The following SMOX variants were observed in gnomAD, a reference collection of about 807,000 sequenced individuals.
The protein encoded by SMOX is flavin containing amine oxidase.
SMOX carries 22 observed loss-of-function variants against 51.0 expected under a neutral mutation model. That is an observed-to-expected ratio of 0.43 (90% CI 0.31 to 0.62). The LOEUF is 0.62. SMOX is among the 20% of genes least tolerant of loss of function. The pLI, the probability that SMOX is intolerant of heterozygous loss-of-function variation, is 0.10. For synonymous variants in SMOX, 282 were observed against 307.8 expected (o/e 0.92, Z 0.88); for missense variants, 566 against 777.7 (o/e 0.73, Z 3.24).
intron 1 of SMOX, among the ~76,000 whole-genome samples, chr20:4,158,355 T>G (rs1986138860): frequency 6.6e-6 from 1 of 152,102 alleles, no homozygotes; most frequent in Non-Finnish European, 1.5e-5. Context: ...CCCTTTGTCT[T>G]TCTTCCTCAA....
At chr20:4,179,213 A>C (rs942888054) in intron 3 of SMOX, among the ~76,000 whole-genome samples, 19 of 152,218 alleles carry the variant, frequency 1.2e-4, no homozygotes, top group Admixed American at 3.9e-4. Context: ...AATCAGCCCC[A>C]GCCTGATTCC....
intron 1 of SMOX, among the ~76,000 whole-genome samples, chr20:4,155,349 A>G (rs1198063961): frequency 6.6e-6 from 1 of 151,728 alleles, no homozygotes; most frequent in African/African-American, 2.4e-5. Flanking sequence ...GCTGTCACTG[A>G]TGGTTACATG....
At chr20:4,168,473 A>C (rs1986668977) in intron 1 of SMOX, among the ~76,000 whole-genome samples, 1 of 151,992 alleles carries the variant, frequency 6.6e-6, no homozygotes, top group Non-Finnish European at 1.5e-5. Context: ...GGTGACCTTG[A>C]GAAAAAGGCA....
chr20:4,158,962 T>A (rs1986171244), intron 1 of SMOX, among the ~76,000 whole-genome samples: 1 of 151,986 alleles, frequency 6.6e-6, no homozygotes, highest in African/African-American at 2.4e-5. Context: ...TTTTAAATGA[T>A]GCCTTTAAAT....
rs188258277 is a variant in SMOX at position 4,178,925 on chromosome 20, C to T, written c.435+1348C>T. Among the ~76,000 whole-genome samples, 21 of 152,128 alleles carry T rather than the reference C, an allele frequency of 1.4e-4. No homozygotes were observed. The East Asian group carries it at 3.7e-3, about 27-fold the overall frequency. ...CTCGAACTCCTGACCTCAGGTGATC[C>T]GCCCACCTTGGTCTCCCAAAGTGCT... is the stretch of plus-strand genomic sequence containing the variant. On this transcript the variant is annotated intron_variant, in intron 3 of 6. Coordinates refer to ENST00000305958, the MANE Select transcript of SMOX (RefSeq NM_175839.3).
At chr20:4,184,134 C>T (rs534730840) in intron 6 of SMOX, among the ~76,000 whole-genome samples, 2 of 151,462 alleles carry the variant, frequency 1.3e-5, no homozygotes, top group African/African-American at 2.4e-5. Context: ...CATGCCGGCA[C>T]GCCACCATGT....
rs1986618353 is a variant in SMOX at position 4,167,520 on chromosome 20, A to G, written c.-26-7510A>G. Among the ~76,000 whole-genome samples the G allele has an allele frequency of 6.6e-6, 1 of 152,174 alleles. No homozygotes were observed. Among genetic ancestry groups the G allele is most frequent in the Admixed American group, 6.5e-5 (1 of 15,282 alleles). On this transcript the variant is annotated intron_variant, in intron 1 of 6. Coordinates refer to ENST00000305958, the MANE Select transcript of SMOX (RefSeq NM_175839.3). The surrounding 1 kb of genome is among the most constrained non-coding windows in gnomAD (Gnocchi z 4.8). ...CAAAGTGAGCCTTTAAATATCAGAT[A>G]GGGCTTGGACAAGTGTGCCCAGGTA...
Position 4,182,220 on chromosome 20 carries a change from G to A in SMOX, c.741G>A (p.Ala247=), listed in dbSNP as rs750474773. 18 of 1,613,494 alleles carry A rather than the reference G, an allele frequency of 1.1e-5. No homozygotes were observed. Among genetic ancestry groups the A allele is most frequent in the Admixed American group, 5.0e-5 (3 of 60,000 alleles). Residue 247 remains alanine (A), a synonymous_variant, in exon 5 of 7, where the codon GCG becomes GCA. Transcript: ENST00000305958. The surrounding 1 kb of genome is among the most constrained non-coding windows in gnomAD (Gnocchi z 8.4). ...SGFMRVVELL[A]EGIPAHVIQL... ...TCATGCGGGTTGTGGAGCTGCTGGCGGAGGGCATCCCTGCCCACGTCATCC... is the reference window on the plus strand; with the variant it reads ...TCATGCGGGTTGTGGAGCTGCTGGCAGAGGGCATCCCTGCCCACGTCATCC...
At chr20:4,161,659 T>C (rs1458760246) in intron 1 of SMOX, among the ~76,000 whole-genome samples, 3 of 152,132 alleles carry the variant, frequency 2.0e-5, no homozygotes, top group Non-Finnish European at 4.4e-5. Flanking sequence ...AGAGTTGCCT[T>C]GGCAGGAGGC....
chr20:4,160,381 G>A (rs1468881250), intron 1 of SMOX, among the ~76,000 whole-genome samples: 1 of 152,152 alleles, frequency 6.6e-6, no homozygotes, highest in South Asian at 2.1e-4. Flanking sequence ...CGGGCCTGCC[G>A]CACCCCTGGG....
chr20:4,181,705 A>T lies in SMOX; in HGVS notation c.436-98A>T, dbSNP rs1979334286. 2.1e-6 allele frequency: 3 copies of T among 1,410,662 alleles called. No homozygotes were observed. The highest frequency in any genetic ancestry group is 2.9e-6 in the Non-Finnish European group (3 of 1,025,594). 87.4% of individuals were successfully genotyped at this position (1,410,662 alleles called of 1,614,324 possible). On this transcript the variant is annotated intron_variant, in intron 3 of 6. Coordinates refer to ENST00000305958, the MANE Select transcript of SMOX (RefSeq NM_175839.3). The surrounding 1 kb of genome is among the most constrained non-coding windows in gnomAD (Gnocchi z 5.6). The stretch of plus-strand genomic sequence containing the variant: ...CAGAGACCAGGGGCTCAGTGCATCC[A>T]GGGGACACCTGGGAACTGGTGGGTT...
intron 3 of SMOX, among the ~76,000 whole-genome samples, chr20:4,179,124 C>T (rs1979127471): frequency 6.6e-6 from 1 of 152,162 alleles, no homozygotes; most frequent in Non-Finnish European, 1.5e-5. Flanking sequence ...CATTCTCACT[C>T]ATGTGCAAAG....
At chr20:4,154,779 T>C (rs1245824835) in intron 1 of SMOX, among the ~76,000 whole-genome samples, 3 of 143,180 alleles carry the variant, frequency 2.1e-5, no homozygotes. Context: ...TTCAGGTGGG[T>C]GGAACAGGGA....
rs781522050 is a variant in SMOX at position 4,165,049 on chromosome 20, G to GTTTTTTTTTTTT, written c.-26-9969_-26-9958dup. 1.6e-4 allele frequency among the ~76,000 whole-genome samples: 14 copies of GTTTTTTTTTTTT among 87,338 alleles called. 1 individual carries two copies. The highest frequency in any genetic ancestry group is 2.5e-4 in the African/African-American group (6 of 24,366). The allele number at this position is 87,338 out of a possible 152,430, so 57.3% of individuals were successfully genotyped here. On this transcript the variant is annotated intron_variant, in intron 1 of 6. Transcript: ENST00000305958. ...TGCATCACCATGCCTTAGCTAAGTT[G>GTTTTTTTTTTTT]TTTTTTTTTTTTTTTTTTTTTTTGA... is the stretch of plus-strand genomic sequence containing the variant.
In SMOX at chr20:4,182,084, C is replaced by T. The variant is rs377345386; in HGVS notation, c.610-5C>T. The T allele has an allele frequency of 1.6e-5, 26 of 1,586,058 alleles. No individual in the cohort carries two copies. The highest frequency in any genetic ancestry group is 2.3e-5 in the South Asian group (2 of 86,810). ...CACCTGGCTTCTCCTTGGGTCTTCC[C>T]GCAGGTGGAGAGCTGTGAGAGCAGC... On this transcript the variant is annotated splice_polypyrimidine_tract_variant and splice_region_variant and intron_variant, in intron 4 of 6. Transcript: ENST00000305958. This position sits in a 1 kb window ranked among gnomAD's most constrained non-coding sequence, Gnocchi z 8.4.
At chr20:4,157,715 G>A (rs1024523639) in intron 1 of SMOX, among the ~76,000 whole-genome samples, 2 of 151,914 alleles carry the variant, frequency 1.3e-5, no homozygotes, top group Non-Finnish European at 2.9e-5. Context: ...GGGAGGGGGC[G>A]GTGCTGTGCC....
rs1229725735 is a variant in SMOX, at chr20:4,170,459, G to A, written c.-26-4571G>A. On this transcript the variant is annotated intron_variant, in intron 1 of 6. Coordinates refer to ENST00000305958, the MANE Select transcript of SMOX (RefSeq NM_175839.3). This position sits in a 1 kb window ranked among gnomAD's most constrained non-coding sequence, Gnocchi z 4.6. ...GCCATTAGAAGGTACTTGCTGGAGT[G>A]TAAATTTCTTCACTTTTTTTTTTCT... 1.3e-5 allele frequency among the ~76,000 whole-genome samples: 2 copies of A among 152,118 alleles called. No individual in the cohort carries two copies. Among genetic ancestry groups the A allele is most frequent in the Non-Finnish European group, 2.9e-5 (2 of 68,028 alleles).
chr20:4,176,591 A>G (rs958777428), intron 2 of SMOX, among the ~76,000 whole-genome samples: 2 of 151,950 alleles, frequency 1.3e-5, no homozygotes, highest in Non-Finnish European at 2.9e-5. Context: ...CTAGGTAGGG[A>G]TGGGGAGGAA....
intron 3 of SMOX, among the ~76,000 whole-genome samples, chr20:4,180,955 G>A (rs557301667): frequency 6.6e-6 from 1 of 152,258 alleles, no homozygotes; most frequent in South Asian, 2.1e-4. Flanking sequence ...CCCGGTAAAT[G>A]TTGAGTAAAT....
Sources: gnomAD v4.1 joint callset for allele counts (sites outside exome capture counted in the v4.1 genomes callset) on GRCh38, gnomAD v4.1.1 for gene constraint, Gnocchi (gnomAD v3.1) non-coding constraint, MANE v1.5 for transcripts, NCBI Gene and HGNC (gene_info 2026-07-23, HGNC 2026-07-21) for gene names.